The following AGR3 variants were observed in gnomAD, a reference collection of about 807,000 sequenced individuals.
AGR3 encodes anterior gradient 3, protein disulphide isomerase family member, also known as anterior gradient protein 3.
Under a neutral mutation model 24.5 loss-of-function variants are expected in AGR3, and 37 were observed. The ratio of observed to expected loss-of-function variants is 1.51; its 90% CI spans 1.16 to 1.99. The LOEUF (loss-of-function observed/expected upper bound fraction) is 1.99, where lower values mean the gene tolerates loss of function less well. Ranked by LOEUF, AGR3 falls within the 30% of genes most tolerant of loss-of-function variation. AGR3 has a pLI of 0.00. For synonymous variants in AGR3, 75 were observed against 61.6 expected (o/e 1.22, Z -1.02); for missense variants, 228 against 191.1 (o/e 1.19, Z -1.14).
At position 16,881,978 on chromosome 7, in the gene AGR3, C is replaced by T; in HGVS notation, c.-62G>A. On this transcript the variant is annotated 5_prime_UTR_variant, in exon 1 of 8. Transcript: ENST00000310398. ...CCAGTGCTCTTGTTGGAAATGTATT[C>T]TGGATGTTTCTGGTTAAAAATGGGT... The T allele has an allele frequency of 2.1e-6, 1 of 470,958 alleles. No individual in the cohort carries two copies. Among genetic ancestry groups the T allele is most frequent in the Non-Finnish European group, 4.4e-6 (1 of 227,000 alleles). 29.2% of individuals were successfully genotyped at this position (470,958 alleles called of 1,614,324 possible).
downstream of AGR3, among the ~76,000 whole-genome samples, chr7:16,855,133 A>G (rs1055587907): frequency 2.6e-5 from 4 of 152,232 alleles, no homozygotes; most frequent in Non-Finnish European, 4.4e-5. Context: ...TGTATTGGGA[A>G]CGTTCAATAT....
downstream of AGR3, among the ~76,000 whole-genome samples, chr7:16,856,702 T>A (rs747878566): frequency 2.0e-5 from 3 of 152,132 alleles, no homozygotes; most frequent in Non-Finnish European, 4.4e-5. Context: ...TTTCAGGTAG[T>A]TGATGTTGGT....
intron 2 of AGR3, among the ~76,000 whole-genome samples, chr7:16,877,921 A>T (rs1428833838): frequency 6.6e-6 from 1 of 152,016 alleles, no homozygotes; most frequent in African/African-American, 2.4e-5. Context: ...AGATGAATAT[A>T]TATTTGTTTC....
intron 3 of AGR3, among the ~76,000 whole-genome samples, chr7:16,872,236 A>C (rs1781879474): frequency 2.6e-5 from 4 of 152,222 alleles, no homozygotes; most frequent in Admixed American, 2.6e-4. Context: ...ACAAAACAGC[A>C]TGGTATTTGT....
At chr7:16,871,400 T>C (rs189010875) in intron 3 of AGR3, among the ~76,000 whole-genome samples, 1 of 152,342 alleles carries the variant, frequency 6.6e-6, no homozygotes, top group Admixed American at 6.5e-5. Context: ...AAATGCTTTT[T>C]TTTGATTCAT....
intron 2 of AGR3, among the ~76,000 whole-genome samples, chr7:16,875,096 C>A (rs1403526114): frequency 7.3e-6 from 1 of 137,834 alleles, no homozygotes; most frequent in Non-Finnish European, 1.5e-5. Context: ...GCCTGGGTAA[C>A]AGAGCGAGAC....
Position 16,861,385 on chromosome 7 carries a change from T to A in AGR3, c.366A>T (p.Val122=), listed in dbSNP as rs1263787788. Residue 122 remains valine, a splice_region_variant and synonymous_variant, in exon 6 of 8, where the codon GTA becomes GTT. Coordinates refer to ENST00000310398, the MANE Select transcript of AGR3 (RefSeq NM_176813.5). ...DGQYVPRIMF[V]DPSLTVRADI... Reference sequence around the variant, plus strand: ...GATGAAATGAGATCACATACATACCTACAAACATGATTCTAGGCACATATT... The same window carrying A: ...GATGAAATGAGATCACATACATACCAACAAACATGATTCTAGGCACATATT... 10 of 1,606,844 alleles carry A rather than the reference T, an allele frequency of 6.2e-6. No individual in the cohort carries two copies. The highest frequency in any genetic ancestry group is 5.1e-5 in the Admixed American group (3 of 59,154).
intron 6 of AGR3, among the ~76,000 whole-genome samples, chr7:16,861,005 GTCAAACCAATTTATAATCTAAA>G (rs1781630990): frequency 4.1e-5 from 1 of 24,198 alleles, no homozygotes; most frequent in Non-Finnish European, 1.3e-4. Context: ...TAAAACAAAT[GTCAAACCAATTTATAATCTAAA>G]ACAAATGTCA....
chr7:16,860,637 T>C, intron 6 of AGR3, 54 bp from the exon 7 acceptor site: 3 of 1,275,156 alleles, frequency 2.4e-6, no homozygotes, highest in Non-Finnish European at 3.4e-6. Context: ...TTCTTTTCTT[T>C]ACTCTTGTAA....
intron 7 of AGR3, among the ~76,000 whole-genome samples, chr7:16,860,098 A>G (rs200005112): frequency 3.9e-5 from 3 of 76,118 alleles, no homozygotes; most frequent in African/African-American, 1.7e-4. Flanking sequence ...TCTACAAAAA[A>G]GAAAAAAAAA....
chr7:16,864,373 C>A (rs1414750242), intron 3 of AGR3: 4 of 1,312,556 alleles, frequency 3.0e-6, no homozygotes, highest in Non-Finnish European at 4.4e-6. Flanking sequence ...ACTATTCTGA[C>A]TCAGAGGAAG....
intron 3 of AGR3, among the ~76,000 whole-genome samples, chr7:16,869,036 C>T (rs1424402410): frequency 1.3e-5 from 2 of 152,068 alleles, no homozygotes; most frequent in African/African-American, 4.8e-5. Flanking sequence ...TGATTAAATG[C>T]TCTGTATATG....
chr7:16,865,466 AGAATGCTCTTCCC>A (rs1260455994), intron 3 of AGR3: 3 of 764,738 alleles, frequency 3.9e-6, no homozygotes, highest in Non-Finnish European at 7.0e-6. Context: ...TATTTGAGGT[AGAATGCTCTTCCC>A]GAATTTCTTT....
intron 3 of AGR3, chr7:16,864,399 C>G: frequency 2.3e-6 from 3 of 1,295,426 alleles, no homozygotes; most frequent in Non-Finnish European, 2.2e-6. Context: ...AGGTTTCCAG[C>G]TCTGTGTCCT....
At chr7:16,862,970 C>T (rs1345700732) in intron 3 of AGR3, among the ~76,000 whole-genome samples, 1 of 152,200 alleles carries the variant, frequency 6.6e-6, no homozygotes, top group Non-Finnish European at 1.5e-5. Context: ...GCTCTGGAGG[C>T]TGAGACATGA....
At chr7:16,858,595 G>A (rs1781585245), downstream of AGR3, among the ~76,000 whole-genome samples, 1 of 152,118 alleles carries the variant, frequency 6.6e-6, no homozygotes, top group Non-Finnish European at 1.5e-5. Flanking sequence ...CATGTAGCTG[G>A]ATGCAGTGGC....
At position 16,859,412 on chromosome 7, in the gene AGR3, T is replaced by G; in HGVS notation, c.*170A>C. ...CAGAAATAAAACTATATTGTCAGTC[T>G]CAGATTTAAAAAACATTTATTTTAA... On this transcript the variant is annotated 3_prime_UTR_variant, in exon 8 of 8. Coordinates refer to ENST00000310398, the MANE Select transcript of AGR3 (RefSeq NM_176813.5). 1.8e-6 allele frequency: 1 copy of G among 551,322 alleles called. No homozygotes were observed. Among genetic ancestry groups the G allele is most frequent in the Non-Finnish European group, 3.2e-6 (1 of 314,390 alleles). The allele number at this position is 551,322 out of a possible 1,614,324, so 34.2% of individuals were successfully genotyped here.
At chr7:16,854,923 T>C (rs1338984029), downstream of AGR3, among the ~76,000 whole-genome samples, 1 of 152,154 alleles carries the variant, frequency 6.6e-6, no homozygotes, top group Non-Finnish European at 1.5e-5. Flanking sequence ...CTTCTTTATA[T>C]AAGGAACCCA....
At position 16,860,569 on chromosome 7, in the gene AGR3, C is replaced by A. The variant is rs1781621773; in HGVS notation, c.382G>T (p.Val128Phe). The A allele has an allele frequency of 6.2e-7, 1 of 1,613,078 alleles. No homozygotes were observed. The highest frequency in any genetic ancestry group is 1.7e-5 in the Admixed American group (1 of 59,906). ...TATCTTCCAGCTATGTCAGCTCTAA[C>A]TGTTAAAGAAGGGTCTGTCAAGGAA... is the stretch of plus-strand genomic sequence containing the variant. ...RIMFVDPSLT[V>F]RADIAGRYSN... Residue 128 changes from valine to phenylalanine, a missense_variant, in exon 7 of 8, where the codon GTT becomes TTT. Transcript: ENST00000310398.
Sources: gnomAD v4.1 joint callset for allele counts (sites outside exome capture counted in the v4.1 genomes callset) on GRCh38, gnomAD v4.1.1 for gene constraint, MANE v1.5 for transcripts, NCBI Gene and HGNC (gene_info 2026-07-23, HGNC 2026-07-21) for gene names.